CHCHD6: variants seen among roughly 807,000 people sequenced by gnomAD.
CHCHD6 encodes MICOS complex subunit MIC25.
Under a neutral mutation model 32.3 loss-of-function variants are expected in CHCHD6, and 28 were observed. The observed-to-expected ratio is 0.87, with a 90% CI of 0.64 to 1.19. CHCHD6 has a LOEUF of 1.19. Ranked by LOEUF, CHCHD6 falls within the 50% of genes most tolerant of loss-of-function variation. The pLI is 0.00. For synonymous variants in CHCHD6, 122 were observed against 117.5 expected (o/e 1.04, Z -0.25); for missense variants, 333 against 307.0 (o/e 1.08, Z -0.63).
chr3:126,759,534 T>C (rs1937085646), intron 4 of CHCHD6, among the ~76,000 whole-genome samples: 1 of 152,184 alleles, frequency 6.6e-6, no homozygotes, highest in African/African-American at 2.4e-5. Context: ...CAGGCCTTAT[T>C]TAGTCTTTTA....
intron 5 of CHCHD6, among the ~76,000 whole-genome samples, chr3:126,884,456 T>C (rs890244489): frequency 1.3e-5 from 2 of 152,186 alleles, no homozygotes; most frequent in African/African-American, 4.8e-5. Flanking sequence ...AATCCAGCTA[T>C]CTACCAACAT....
At chr3:126,709,097 A>G (rs1197537472) in intron 1 of CHCHD6, among the ~76,000 whole-genome samples, 1 of 152,234 alleles carries the variant, frequency 6.6e-6, no homozygotes, top group East Asian at 1.9e-4. Flanking sequence ...TTTTGTGTAA[A>G]TAGTTGTTAT....
chr3:126,777,261 G>GTCAA (rs1937692535), intron 4 of CHCHD6, among the ~76,000 whole-genome samples: 2 of 152,078 alleles, frequency 1.3e-5, no homozygotes. Flanking sequence ...ATCATACATG[G>GTCAA]TCAAAACTAC....
chr3:126,810,102 A>C (rs1398998798), intron 4 of CHCHD6, among the ~76,000 whole-genome samples: 6 of 152,238 alleles, frequency 3.9e-5, no homozygotes, highest in Non-Finnish European at 7.3e-5. Context: ...TGGAAGCTAC[A>C]AGACAATGGA....
intron 1 of CHCHD6, among the ~76,000 whole-genome samples, chr3:126,716,940 T>C (rs534854872): frequency 6.6e-6 from 1 of 152,300 alleles, no homozygotes; most frequent in South Asian, 2.1e-4. Context: ...CCCCTCTTTT[T>C]ATCGCTTTAG....
chr3:126,939,133 A>G (rs2078522905), intron 6 of CHCHD6, among the ~76,000 whole-genome samples: 1 of 152,094 alleles, frequency 6.6e-6, no homozygotes, highest in African/African-American at 2.4e-5. Flanking sequence ...TGAGCAGGAG[A>G]GTAAGGTTCC....
chr3:126,932,297 T>C (rs945519043), intron 6 of CHCHD6, among the ~76,000 whole-genome samples: 13 of 151,760 alleles, frequency 8.6e-5, no homozygotes, highest in Non-Finnish European at 1.8e-4. Context: ...TGGAATAGAG[T>C]CCTGGGCCCC....
At chr3:126,816,133 C>T (rs1002476494) in intron 4 of CHCHD6, among the ~76,000 whole-genome samples, 6 of 152,188 alleles carry the variant, frequency 3.9e-5, no homozygotes, top group Non-Finnish European at 5.9e-5. Flanking sequence ...CTTCCTTCTA[C>T]GTGTCCATAC....
chr3:126,809,417 C>G (rs1038878124), intron 4 of CHCHD6, among the ~76,000 whole-genome samples: 1 of 152,160 alleles, frequency 6.6e-6, no homozygotes, highest in African/African-American at 2.4e-5. Flanking sequence ...GTTGATTTCA[C>G]TTGTTTAAAA....
chr3:126,913,161 A>G (rs58038279), intron 5 of CHCHD6, among the ~76,000 whole-genome samples: 4,712 of 125,036 alleles, frequency 0.038, 166 homozygotes, highest in East Asian at 0.2. Flanking sequence ...TGAAGCTCCC[A>G]TTTGCTCATC....
At chr3:126,773,428 T>G (rs758478077) in intron 4 of CHCHD6, among the ~76,000 whole-genome samples, 4 of 152,136 alleles carry the variant, frequency 2.6e-5, no homozygotes, top group Non-Finnish European at 5.9e-5. Flanking sequence ...ACGTTGGGAA[T>G]GTGGCTACAA....
chr3:126,777,745 A>G (rs1559837757), intron 4 of CHCHD6, among the ~76,000 whole-genome samples: 1 of 152,258 alleles, frequency 6.6e-6, no homozygotes, highest in African/African-American at 2.4e-5. Context: ...AAGCTTAAAG[A>G]AAACTGGTTT....
chr3:126,709,021 C>G (rs1028741178), intron 1 of CHCHD6, among the ~76,000 whole-genome samples: 2 of 152,176 alleles, frequency 1.3e-5, no homozygotes, highest in Admixed American at 1.3e-4. Context: ...TGCATATATA[C>G]TACACATATT....
rs566298093 is a variant in CHCHD6, at chr3:126,841,212, A to G, written c.412-11435A>G. ...TTCCAATTTCATCCATGTCCCTACA[A>G]AGGACATGAACTCATCATTTTTTAT... On this transcript the variant is annotated intron_variant, in intron 4 of 7. Transcript: ENST00000290913. Among the ~76,000 whole-genome samples, 389 of 152,318 alleles carry G rather than the reference A, an allele frequency of 2.6e-3. 2 individuals carry two copies. The highest frequency in any genetic ancestry group is 8.9e-3 in the African/African-American group (370 of 41,566).
chr3:126,744,013 C>T (rs940746381), intron 4 of CHCHD6, among the ~76,000 whole-genome samples: 8 of 152,192 alleles, frequency 5.3e-5, no homozygotes, highest in Non-Finnish European at 1.5e-5. Flanking sequence ...TTGCTGTACC[C>T]CTGCTCCTCT....
chr3:126,866,484 A>G (rs955758260), intron 5 of CHCHD6, among the ~76,000 whole-genome samples: 8 of 152,232 alleles, frequency 5.3e-5, no homozygotes, highest in African/African-American at 1.7e-4. Context: ...CGTTTTACAG[A>G]TAAAGAAACA....
At chr3:126,800,779 A>G (rs1219750592) in intron 4 of CHCHD6, among the ~76,000 whole-genome samples, 1 of 152,194 alleles carries the variant, frequency 6.6e-6, no homozygotes, top group East Asian at 1.9e-4. Context: ...CTTCCTCACT[A>G]TACTCGAAGA....
At chr3:126,919,313 TTTTC>T (rs201164455) in intron 6 of CHCHD6, among the ~76,000 whole-genome samples, 18 of 30,036 alleles carry the variant, frequency 6.0e-4, no homozygotes, top group Non-Finnish European at 1.7e-3. Flanking sequence ...TTCTTTTCTT[TTTTC>T]TTTTTTTTTT....
chr3:126,819,122 C>T (rs1000450428), intron 4 of CHCHD6, among the ~76,000 whole-genome samples: 11 of 152,314 alleles, frequency 7.2e-5, no homozygotes, highest in Non-Finnish European at 8.8e-5. Flanking sequence ...CTCTAAACTC[C>T]TGCCACACTG....
Sources: allele counts gnomAD v4.1 joint callset (sites outside exome capture counted in the v4.1 genomes callset), GRCh38; gene constraint gnomAD v4.1.1; transcripts MANE v1.5; gene names NCBI Gene and HGNC (gene_info 2026-07-23, HGNC 2026-07-21).